POLR2G: variants seen among roughly 807,000 people sequenced by gnomAD.
The protein encoded by POLR2G is RNA polymerase II subunit G.
Under a neutral mutation model 25.7 loss-of-function variants are expected in POLR2G, and 19 were observed. The ratio of observed to expected loss-of-function variants is 0.74; its 90% CI spans 0.52 to 1.08. POLR2G has a LOEUF of 1.08. POLR2G is among the 50% of genes least tolerant of loss of function. The pLI is 0.00. For missense variants in POLR2G, 123 were observed against 218.5 expected (o/e 0.56, Z 2.76); for synonymous variants, 79 against 76.0 (o/e 1.04, Z -0.21).
Position 62,761,775 on chromosome 11 carries a change from C to A in POLR2G, c.13-20C>A. 6.2e-7 allele frequency: 1 copy of A among 1,611,796 alleles called. No individual in the cohort carries two copies. The highest frequency in any genetic ancestry group is 8.5e-7 in the Non-Finnish European group (1 of 1,177,916). Reference sequence around the variant, plus strand: ...ACCTGCCAGCGCCTGGCCTGGTCGCCATCCCACTTTTCTCCGCAGATCTCC... The same window carrying A: ...ACCTGCCAGCGCCTGGCCTGGTCGCAATCCCACTTTTCTCCGCAGATCTCC... On this transcript the variant is annotated intron_variant, in intron 1 of 7. Coordinates refer to ENST00000301788, the MANE Select transcript of POLR2G (RefSeq NM_002696.3).
chr11:62,765,604 C>T, intron 5 of POLR2G, 49 bp from the exon 6 acceptor site: 1 of 1,349,588 alleles, frequency 7.4e-7, no homozygotes, highest in Non-Finnish European at 1.1e-6. Flanking sequence ...TGTGATGTAA[C>T]TTCTCATAAA....
chr11:62,762,506 A>G (rs1414109127), intron 2 of POLR2G: 1 of 424,138 alleles, frequency 2.4e-6, no homozygotes, highest in African/African-American at 2.0e-5. Flanking sequence ...AACCTGCAGG[A>G]ACATGCAGAT....
rs2084109307 is a variant in POLR2G at position 62,765,223 on chromosome 11, C to T, written c.324C>T (p.Ile108=). 6.2e-7 allele frequency: 1 copy of T among 1,613,964 alleles called. No individual in the cohort carries two copies. The highest frequency in any genetic ancestry group is 2.2e-5 in the East Asian group (1 of 44,880). The change falls in exon 4 of 8, where the codon ATC becomes ATT. Residue 108 remains isoleucine (I), a synonymous_variant. Coordinates refer to ENST00000301788, the MANE Select transcript of POLR2G (RefSeq NM_002696.3). Reference sequence around the variant, plus strand: ...AAATTGGGCCCATGTCTTGCTTCATCTCTCGACATGTAAGTCTGGGCACAC... The same window carrying T: ...AAATTGGGCCCATGTCTTGCTTCATTTCTCGACATGTAAGTCTGGGCACAC... The part of the protein sequence containing the change: ...FTEIGPMSCF[I]SRHSIPSEME...
chr11:62,765,338 A>T lies in POLR2G; in HGVS notation c.334-2A>T. The T allele has an allele frequency of 6.2e-7, 1 of 1,612,844 alleles. No individual in the cohort carries two copies. The highest frequency in any genetic ancestry group is 8.5e-7 in the Non-Finnish European group (1 of 1,178,876). ...CTAACCTAGATCTCACTTTCCTTTC[A>T]GTCCATCCCTTCAGAGATGGAGTTT... On this transcript the variant is annotated splice_acceptor_variant, in intron 4 of 7. Transcript: ENST00000301788. LOFTEE classifies it high-confidence loss of function.
At chr11:62,765,139 G>A (rs757319014) in intron 3 of POLR2G, 43 bp from the exon 4 acceptor site, 1 of 1,587,346 alleles carries the variant, frequency 6.3e-7, no homozygotes, top group Non-Finnish European at 8.6e-7. Flanking sequence ...TTACAGGCGT[G>A]AGCCACCGTG....
intron 3 of POLR2G, 103 bp downstream of exon 3, chr11:62,763,129 C>CTTTTTTT (rs149301237): frequency 1.5e-5 from 4 of 275,396 alleles, no homozygotes; most frequent in South Asian, 2.0e-4. Context: ...AGTCACTTCA[C>CTTTTTTT]TTTTTTTTTT....
chr11:62,764,433 AGT>A (rs1414930776), intron 3 of POLR2G, among the ~76,000 whole-genome samples: 1 of 152,050 alleles, frequency 6.6e-6, no homozygotes, highest in African/African-American at 2.4e-5. Flanking sequence ...TGCACTCCAG[AGT>A]GGAGAACAGA....
At chr11:62,766,131 T>G (rs1418823583) in intron 6 of POLR2G, 112 bp from the exon 7 acceptor site, 3 of 934,010 alleles carry the variant, frequency 3.2e-6, no homozygotes, top group Non-Finnish European at 5.3e-6. Flanking sequence ...GGGGGTTCTG[T>G]GCTCTTCTGC....
rs1440550838 is a variant in POLR2G, at chr11:62,765,396, A to T, written c.390A>T (p.Thr130=). 13 of 1,612,046 alleles carry T rather than the reference A, an allele frequency of 8.1e-6. No homozygotes were observed. The highest frequency in any genetic ancestry group is 1.1e-5 in the Non-Finnish European group (13 of 1,178,326). Residue 130 remains threonine (T), a synonymous_variant, in exon 5 of 8, where the codon ACA becomes ACT. Coordinates refer to ENST00000301788, the MANE Select transcript of POLR2G (RefSeq NM_002696.3). The part of the protein sequence containing the change: ...DPNSNPPCYK[T]MDEDIVIQQD... Reference sequence around the variant, plus strand: ...ACTCCAACCCACCATGTTACAAGACAATGGATGAGGTGAGTGGACAGAAAG... The same window carrying T: ...ACTCCAACCCACCATGTTACAAGACTATGGATGAGGTGAGTGGACAGAAAG...
intron 7 of POLR2G, 71 bp downstream of exon 7, chr11:62,766,347 G>A: frequency 6.6e-7 from 1 of 1,522,640 alleles, no homozygotes; most frequent in Non-Finnish European, 9.1e-7. Flanking sequence ...GAGTAATATA[G>A]GATTCAATGC....
Position 62,761,626 on chromosome 11 carries a change from G to A in POLR2G, c.-23G>A, listed in dbSNP as rs1479021514. On this transcript the variant is annotated 5_prime_UTR_variant, in exon 1 of 8. Transcript: ENST00000301788. ...AGGGACTGTCGGAGGTGTGGACTCT[G>A]CCTGCCTACCTGGTCTGGGAAGATG... is the stretch of plus-strand genomic sequence containing the variant. The A allele has an allele frequency of 6.2e-7, 1 of 1,605,700 alleles. No individual in the cohort carries two copies. The highest frequency in any genetic ancestry group is 1.1e-5 in the South Asian group (1 of 90,378).
chr11:62,762,972 T>TAAG lies in POLR2G; in HGVS notation c.228_229insAAG (p.Val76_Phe77insLys). 1 of 1,611,438 alleles carries TAAG rather than the reference T, an allele frequency of 6.2e-7. No homozygotes were observed. The highest frequency in any genetic ancestry group is 2.2e-5 in the East Asian group (1 of 44,772). On this transcript the variant is annotated inframe_insertion, in exon 3 of 8. Transcript: ENST00000301788. ...ATCCAGTTAAGTACAAGGCCATTGT[T>TAAG]TTCCGGCCATTTAAAGGGGAGGTCG...
At chr11:62,765,759 G>A (rs1264785992) in intron 6 of POLR2G, 35 bp downstream of exon 6, 2 of 1,234,110 alleles carry the variant, frequency 1.6e-6, no homozygotes, top group Non-Finnish European at 2.4e-6. Context: ...CCTATACCAG[G>A]TTGAGCTGAG....
chr11:62,763,943 T>C (rs565380587), intron 3 of POLR2G, among the ~76,000 whole-genome samples: 3 of 151,494 alleles, frequency 2.0e-5, no homozygotes, highest in South Asian at 4.2e-4. Context: ...GGTTTCTCCA[T>C]GTTGGTCAGG....
At position 62,761,829 on chromosome 11, in the gene POLR2G, G is replaced by C. The variant is rs779335654; in HGVS notation, c.47G>C (p.Arg16Pro). The change falls in exon 2 of 8, where the codon CGC (arginine) becomes CCC (proline). Residue 16 changes from arginine (R) to proline (P), a missense_variant. Physicochemically the swap from Arg to Pro is moderately radical, Grantham distance 103 (BLOSUM62 -2). Transcript: ENST00000301788. ...GAGCACGAAATCCTGCTGCACCCGCGCTACTTCGGCCCCAACTTGCTCAAC... is the reference window on the plus strand; with the variant it reads ...GAGCACGAAATCCTGCTGCACCCGCCCTACTTCGGCCCCAACTTGCTCAAC... ...SLEHEILLHP[R>P]YFGPNLLNTV... 1.5e-5 allele frequency: 24 copies of C among 1,613,850 alleles called. No individual in the cohort carries two copies. The highest frequency in any genetic ancestry group is 1.1e-5 in the South Asian group (1 of 91,088).
chr11:62,766,565 A>G lies in POLR2G; in HGVS notation c.*58A>G. 1 of 1,556,210 alleles carries G rather than the reference A, an allele frequency of 6.4e-7. No individual in the cohort carries two copies. The highest frequency in any genetic ancestry group is 8.9e-7 in the Non-Finnish European group (1 of 1,128,072). ...AGGAAGTGTGATTGTCACACTTATCATGTTGTCCAGAGGTCCAGTCTGGCT... is the reference window on the plus strand; with the variant it reads ...AGGAAGTGTGATTGTCACACTTATCGTGTTGTCCAGAGGTCCAGTCTGGCT... On this transcript the variant is annotated 3_prime_UTR_variant, in exon 8 of 8. Transcript: ENST00000301788.
intron 3 of POLR2G, among the ~76,000 whole-genome samples, chr11:62,763,512 T>C (rs2084099542): frequency 6.6e-6 from 1 of 151,960 alleles, no homozygotes; most frequent in African/African-American, 2.4e-5. Context: ...GCCAGGATGG[T>C]CTCGATCTCC....
At chr11:62,762,727 C>T (rs961073391) in intron 2 of POLR2G, 140 bp from the exon 3 acceptor site, 11 of 662,030 alleles carry the variant, frequency 1.7e-5, no homozygotes, top group Middle Eastern at 2.5e-4. Flanking sequence ...GGTCATTAAG[C>T]TCTCTGGGAG....
At chr11:62,765,961 A>C (rs1393876508) in intron 6 of POLR2G, among the ~76,000 whole-genome samples, 1 of 151,304 alleles carries the variant, frequency 6.6e-6, no homozygotes, top group Non-Finnish European at 1.5e-5. Context: ...CTAATTTTTT[A>C]TATTTTTAGT....
Sources: gnomAD v4.1 joint callset for allele counts (sites outside exome capture counted in the v4.1 genomes callset) on GRCh38, gnomAD v4.1.1 for gene constraint, MANE v1.5 for transcripts, NCBI Gene and HGNC (gene_info 2026-07-23, HGNC 2026-07-21) for gene names.